The following TRPM3 variants were observed in gnomAD, a reference collection of about 807,000 sequenced individuals.
The protein encoded by TRPM3 is long transient receptor potential channel 3.
A neutral mutation model predicts 181.2 loss-of-function variants in TRPM3; 77 were observed. That is an observed-to-expected ratio of 0.42 (90% CI 0.35 to 0.51). The LOEUF (loss-of-function observed/expected upper bound fraction) is 0.51, where lower values mean the gene tolerates loss of function less well. Among genes scored for constraint, TRPM3 ranks in the 20% least tolerant of loss-of-function variants. TRPM3 has a pLI of 0.01. For missense variants in TRPM3, 1,759 were observed against 2,196.7 expected (o/e 0.80, Z 3.98); for synonymous variants, 745 against 796.4 (o/e 0.94, Z 1.09).
chr9:70,538,257 T>A (rs2042290329), intron 25 of TRPM3, among the ~76,000 whole-genome samples: 1 of 152,212 alleles, frequency 6.6e-6, no homozygotes. Context: ...GAACTCTCTA[T>A]CCTCCCATTG....
Position 71,017,489 on chromosome 9 carries a change from A to G in TRPM3, c.177+103689T>C, listed in dbSNP as rs566107906. 2.0e-5 allele frequency among the ~76,000 whole-genome samples: 3 copies of G among 152,058 alleles called. No individual in the cohort carries two copies. The East Asian group carries it at 5.8e-4, about 29-fold the overall frequency. ...TGATTACAAGAAATGCACAGTAAAT[A>G]TAAGGATGTAAAATGTTTAAAATAG... is the stretch of plus-strand genomic sequence containing the variant. On this transcript the variant is annotated intron_variant, in intron 1 of 25. Transcript: ENST00000677713.
chr9:71,171,878 GA>G (rs1191467334), intron 1 of TRPM3, among the ~76,000 whole-genome samples: 8 of 144,628 alleles, frequency 5.5e-5, no homozygotes, highest in African/African-American at 1.8e-4. Context: ...ATTTATTTTG[GA>G]GGGGGAGGGT....
chr9:70,811,387 A>G, intron 6 of TRPM3: 1 of 674,592 alleles, frequency 1.5e-6, no homozygotes, highest in Non-Finnish European at 2.6e-6. Context: ...GTAGAGCATC[A>G]TCCAGCCCTT....
At chr9:70,842,663 C>T (rs1006673239) in intron 5 of TRPM3, among the ~76,000 whole-genome samples, 3 of 151,910 alleles carry the variant, frequency 2.0e-5, no homozygotes, top group African/African-American at 7.3e-5. Context: ...TTCATGTTGC[C>T]GTATATTAAG....
At chr9:70,824,740 T>G (rs1372307487) in intron 6 of TRPM3, 1 of 152,224 alleles carries the variant, frequency 6.6e-6, no homozygotes, top group Admixed American at 6.5e-5. Flanking sequence ...AATTTTATTT[T>G]TAAAAGGAAG....
At chr9:70,814,942 G>A (rs1283186693) in intron 6 of TRPM3, among the ~76,000 whole-genome samples, 1 of 139,958 alleles carries the variant, frequency 7.1e-6, no homozygotes, top group East Asian at 2.3e-4. Context: ...CGTTATAAAA[G>A]CAATATTTTC....
At position 71,235,111 on chromosome 9, in the gene TRPM3, C is replaced by T. The variant is rs761275884; in HGVS notation, c.183+211542G>A. Among the ~76,000 whole-genome samples the T allele has an allele frequency of 1.8e-4, 27 of 152,200 alleles. 1 individual carries two copies. The highest frequency in any genetic ancestry group is 9.2e-4 in the Admixed American group (14 of 15,280). On this transcript the variant is annotated intron_variant, in intron 1 of 24. Transcript: ENST00000357533. ...TGGCTCCATTCTAGCCTCTTTGCTG[C>T]ACCTCTAATGTGCCAGGCTTGGCGC...
chr9:71,199,187 G>A lies in TRPM3; in HGVS notation c.183+247466C>T, dbSNP rs935049604. 1.5e-3 allele frequency among the ~76,000 whole-genome samples: 229 copies of A among 151,250 alleles called. 1 individual carries two copies. Among genetic ancestry groups the A allele is most frequent in the East Asian group, 9.9e-3 (51 of 5,136 alleles). On this transcript the variant is annotated intron_variant, in intron 1 of 24. Transcript: ENST00000357533. Reference sequence around the variant, plus strand: ...TGCTGGATTACATTTATTGATTTGCGTATATTGAGCCAGCCTTGCATCACA... The same window carrying A: ...TGCTGGATTACATTTATTGATTTGCATATATTGAGCCAGCCTTGCATCACA...
chr9:70,577,785 T>C (rs1343007546), intron 22 of TRPM3, among the ~76,000 whole-genome samples: 1 of 152,208 alleles, frequency 6.6e-6, no homozygotes, highest in Non-Finnish European at 1.5e-5. Context: ...ACCTGTTTGA[T>C]AGTGGTGTCC....
chr9:70,843,740 G>A (rs1160697250), intron 4 of TRPM3, among the ~76,000 whole-genome samples: 1 of 152,052 alleles, frequency 6.6e-6, no homozygotes, highest in Non-Finnish European at 1.5e-5. Context: ...TCATAGTTAA[G>A]GGTGAGAAAA....
intron 1 of TRPM3, among the ~76,000 whole-genome samples, chr9:71,339,275 T>C (rs1462096120): frequency 6.6e-6 from 1 of 152,162 alleles, no homozygotes; most frequent in Non-Finnish European, 1.5e-5. Flanking sequence ...AGTTAATTCA[T>C]AAACTTAATG....
intron 1 of TRPM3, among the ~76,000 whole-genome samples, chr9:70,961,326 A>G (rs546442980): frequency 4.4e-4 from 67 of 152,210 alleles, no homozygotes; most frequent in African/African-American, 1.6e-3. Flanking sequence ...AACCTGTACA[A>G]CCCATTTTGG....
intron 1 of TRPM3, among the ~76,000 whole-genome samples, chr9:71,221,537 G>A (rs1179176511): frequency 1.3e-5 from 2 of 152,022 alleles, no homozygotes; most frequent in African/African-American, 2.4e-5. Context: ...TAAGTCATGA[G>A]AAATCTGGTG....
At chr9:70,672,088 C>T (rs935466969) in intron 9 of TRPM3, among the ~76,000 whole-genome samples, 8 of 152,076 alleles carry the variant, frequency 5.3e-5, no homozygotes, top group African/African-American at 1.9e-4. Context: ...TGCTTTTAGT[C>T]TTACCAGCAT....
chr9:71,006,714 A>G (rs1209345313), intron 1 of TRPM3, among the ~76,000 whole-genome samples: 1 of 151,998 alleles, frequency 6.6e-6, no homozygotes, highest in Non-Finnish European at 1.5e-5. Context: ...TACTAAAAAT[A>G]CAAAAAATTA....
chr9:71,187,887 GATGA>G (rs1565318443), intron 1 of TRPM3, among the ~76,000 whole-genome samples: 1 of 145,404 alleles, frequency 6.9e-6, no homozygotes, highest in African/African-American at 2.6e-5. Flanking sequence ...CAGGCAGACA[GATGA>G]TAGATAGATA....
intron 1 of TRPM3, among the ~76,000 whole-genome samples, chr9:71,244,287 C>T (rs1376237468): frequency 2.0e-5 from 3 of 152,064 alleles, no homozygotes; most frequent in Admixed American, 6.6e-5. Flanking sequence ...AGCATGGGGT[C>T]GGGAGCTGGG....
chr9:70,642,349 C>T (rs1315824949), intron 9 of TRPM3, among the ~76,000 whole-genome samples: 2 of 152,102 alleles, frequency 1.3e-5, no homozygotes, highest in East Asian at 3.8e-4. Context: ...GAGTCAGATC[C>T]AGAGAATTCC....
chr9:70,602,951 C>T (rs952472734), intron 20 of TRPM3, among the ~76,000 whole-genome samples: 9 of 152,180 alleles, frequency 5.9e-5, no homozygotes, highest in East Asian at 5.8e-4. Flanking sequence ...CTAAAGCAGC[C>T]GAAATACATC....
Sources: allele counts gnomAD v4.1 joint callset (sites outside exome capture counted in the v4.1 genomes callset), GRCh38; gene constraint gnomAD v4.1.1; transcripts MANE v1.5; gene names NCBI Gene and HGNC (gene_info 2026-07-23, HGNC 2026-07-21).